The following CMTM8 variants were observed in gnomAD, a reference collection of about 807,000 sequenced individuals.
CMTM8 encodes CKLF like MARVEL transmembrane domain containing 8.
A neutral mutation model predicts 18.6 loss-of-function variants in CMTM8; 12 were observed. The ratio of observed to expected loss-of-function variants is 0.65; its 90% CI spans 0.41 to 1.05. The LOEUF is 1.05. Ranked by LOEUF, CMTM8 falls within the 50% of genes least tolerant of loss-of-function variation. The pLI is 0.00. For missense variants in CMTM8, 217 were observed against 227.2 expected (o/e 0.95, Z 0.29); for synonymous variants, 87 against 90.6 (o/e 0.96, Z 0.23).
rs72855640 is a variant in CMTM8 at position 32,352,682 on chromosome 3, C to A, written c.148-4691C>A. On this transcript the variant is annotated intron_variant, in intron 1 of 3. Transcript: ENST00000307526. ...TGATAGAGATCAGGGCAATTGTCAC[C>A]CTTAGAGGAGAGGAGTAACTAGAAA... Among the ~76,000 whole-genome samples the A allele has an allele frequency of 2.6e-3, 397 of 152,142 alleles. 1 individual carries two copies. Among genetic ancestry groups the A allele is most frequent in the African/African-American group, 9.0e-3 (372 of 41,506 alleles).
chr3:32,286,364 G>A (rs1281825515), intron 1 of CMTM8, among the ~76,000 whole-genome samples: 5 of 152,108 alleles, frequency 3.3e-5, no homozygotes, highest in Admixed American at 3.3e-4. Flanking sequence ...GTGGCCTCAG[G>A]TCCACAGTTT....
At chr3:32,335,492 G>A (rs1257323106) in intron 1 of CMTM8, among the ~76,000 whole-genome samples, 1 of 152,174 alleles carries the variant, frequency 6.6e-6, no homozygotes, top group Non-Finnish European at 1.5e-5. Context: ...TCACCTCCAC[G>A]GAGGGCTTGA....
chr3:32,347,251 G>A (rs1047584414), intron 1 of CMTM8, among the ~76,000 whole-genome samples: 1 of 148,170 alleles, frequency 6.7e-6, no homozygotes, highest in Non-Finnish European at 1.5e-5. Flanking sequence ...ATAATAGAGT[G>A]GGTTTGTTTT....
At chr3:32,359,298 A>T (rs1696875296) in intron 2 of CMTM8, among the ~76,000 whole-genome samples, 1 of 152,134 alleles carries the variant, frequency 6.6e-6, no homozygotes, top group Admixed American at 6.6e-5. Context: ...TTCCAGTAAA[A>T]CTTTATTTAC....
intron 1 of CMTM8, among the ~76,000 whole-genome samples, chr3:32,320,434 T>C (rs1696021151): frequency 2.6e-5 from 4 of 152,020 alleles, no homozygotes; most frequent in East Asian, 1.9e-4. Flanking sequence ...GGCAAACCCA[T>C]AGAGACCATA....
intron 1 of CMTM8, among the ~76,000 whole-genome samples, chr3:32,305,500 A>G (rs1351084804): frequency 1.3e-5 from 2 of 152,242 alleles, no homozygotes; most frequent in African/African-American, 4.8e-5. Flanking sequence ...GTGTTCCAAG[A>G]AAATGAAGTC....
At position 32,369,923 on chromosome 3, in the gene CMTM8, A is replaced by T; in HGVS notation, c.478A>T (p.Thr160Ser). The change falls in exon 4 of 4, where the codon ACA becomes TCA. Residue 160 changes from threonine to serine, a missense_variant. Physicochemically the swap from Thr to Ser is moderately conservative, Grantham distance 58. Coordinates refer to ENST00000307526, the MANE Select transcript of CMTM8 (RefSeq NM_178868.5). ...GGTCACCATCTGCTACGCTGGAAAT[A>T]CATATTTCAGTTTTATAGCATGGAG... ...FLVTICYAGN[T>S]YFSFIAWRSR... The T allele has an allele frequency of 6.2e-7, 1 of 1,609,630 alleles. No homozygotes were observed. Among genetic ancestry groups the T allele is most frequent in the Non-Finnish European group, 8.5e-7 (1 of 1,176,590 alleles).
chr3:32,256,733 T>G (rs1346682556), intron 1 of CMTM8, among the ~76,000 whole-genome samples: 1 of 152,242 alleles, frequency 6.6e-6, no homozygotes, highest in African/African-American at 2.4e-5. Flanking sequence ...CTCCCTGCCC[T>G]CACTCTAATC....
At position 32,369,997 on chromosome 3, in the gene CMTM8, A is replaced by T. The variant is rs1691985458; in HGVS notation, c.*30A>T. On this transcript the variant is annotated 3_prime_UTR_variant, in exon 4 of 4. Coordinates refer to ENST00000307526, the MANE Select transcript of CMTM8 (RefSeq NM_178868.5). Reference sequence around the variant, plus strand: ...CCATTTTGATAATTAAAAGGAAAAAAAAAGGAAGACTCTCACTGTAAAAAC... The same window carrying T: ...CCATTTTGATAATTAAAAGGAAAAATAAAGGAAGACTCTCACTGTAAAAAC... The T allele has an allele frequency of 1.5e-6, 2 of 1,369,274 alleles. No homozygotes were observed. The highest frequency in any genetic ancestry group is 3.6e-5 in the Admixed American group (2 of 55,960). The allele number at this position is 1,369,274 out of a possible 1,614,324, so 84.8% of individuals were successfully genotyped here.
At chr3:32,359,633 A>G (rs34007846) in intron 2 of CMTM8, among the ~76,000 whole-genome samples, 29,967 of 152,044 alleles carry the variant, frequency 0.2, 3,329 homozygotes, top group South Asian at 0.33. Context: ...GATTTGACCC[A>G]CAGGCCATAG....
chr3:32,285,590 C>T (rs998663316), intron 1 of CMTM8, among the ~76,000 whole-genome samples: 3 of 151,554 alleles, frequency 2.0e-5, no homozygotes, highest in African/African-American at 7.3e-5. Flanking sequence ...AAGTGTATTG[C>T]GCTCATTTTG....
intron 1 of CMTM8, among the ~76,000 whole-genome samples, chr3:32,348,542 T>TTTTTTTTTTTG (rs1696646053): frequency 2.0e-5 from 3 of 150,096 alleles, no homozygotes; most frequent in South Asian, 2.1e-4. Flanking sequence ...TTTTTTTTTT[T>TTTTTTTTTTTG]GGAGACAAGA....
chr3:32,288,058 C>T (rs1404808794), intron 1 of CMTM8, among the ~76,000 whole-genome samples: 1 of 152,152 alleles, frequency 6.6e-6, no homozygotes, highest in Non-Finnish European at 1.5e-5. Flanking sequence ...AACTAAAGTT[C>T]TGGAAGATTA....
chr3:32,323,388 T>C lies in CMTM8; in HGVS notation c.148-33985T>C, dbSNP rs573763829. ...CTCACCATCTCTATCTTATGTAGTT[T>C]ACAAAAACAAGCTTGTTTTACTCCA... is the stretch of plus-strand genomic sequence containing the variant. On this transcript the variant is annotated intron_variant, in intron 1 of 3. Coordinates refer to ENST00000307526, the MANE Select transcript of CMTM8 (RefSeq NM_178868.5). Among the ~76,000 whole-genome samples, 244 of 152,360 alleles carry C rather than the reference T, an allele frequency of 1.6e-3. 1 individual carries two copies. Among genetic ancestry groups the C allele is most frequent in the Non-Finnish European group, 2.4e-3 (162 of 68,038 alleles).
At chr3:32,244,685 G>A (rs1270488125) in intron 1 of CMTM8, among the ~76,000 whole-genome samples, 3 of 152,136 alleles carry the variant, frequency 2.0e-5, no homozygotes, top group Non-Finnish European at 2.9e-5. Context: ...TCGTAAAGAA[G>A]TACCATACCT....
intron 1 of CMTM8, among the ~76,000 whole-genome samples, chr3:32,274,951 C>T (rs1050037939): frequency 9.2e-5 from 14 of 152,182 alleles, no homozygotes; most frequent in African/African-American, 3.4e-4. Context: ...TAGTACCATA[C>T]ATCAAGGGGC....
At chr3:32,284,663 G>A (rs1323308349) in intron 1 of CMTM8, among the ~76,000 whole-genome samples, 1 of 152,208 alleles carries the variant, frequency 6.6e-6, no homozygotes, top group Non-Finnish European at 1.5e-5. Flanking sequence ...GGCATGAACT[G>A]TGTCTGTTCA....
At chr3:32,246,337 C>G (rs575988501) in intron 1 of CMTM8, among the ~76,000 whole-genome samples, 15 of 152,246 alleles carry the variant, frequency 9.9e-5, no homozygotes, top group Non-Finnish European at 1.9e-4. Context: ...GACATTCATT[C>G]CCCAGGGTTC....
At chr3:32,242,180 A>G (rs918334544) in intron 1 of CMTM8, among the ~76,000 whole-genome samples, 5 of 152,242 alleles carry the variant, frequency 3.3e-5, no homozygotes, top group Non-Finnish European at 7.3e-5. Context: ...GAAAGCATGC[A>G]TGTGGAAATG....
Sources: allele counts gnomAD v4.1 joint callset (sites outside exome capture counted in the v4.1 genomes callset), GRCh38; gene constraint gnomAD v4.1.1; transcripts MANE v1.5; gene names NCBI Gene and HGNC (gene_info 2026-07-23, HGNC 2026-07-21).